ITSN1: variants seen among roughly 807,000 people sequenced by gnomAD.
ITSN1 encodes intersectin-1.
ITSN1 carries 58 observed loss-of-function variants against 239.8 expected under a neutral mutation model. That is an observed-to-expected ratio of 0.24 (90% confidence interval 0.20 to 0.30). The LOEUF (loss-of-function observed/expected upper bound fraction) is 0.30. Ranked by LOEUF, ITSN1 falls within the 10% of genes least tolerant of loss-of-function variation. The probability of loss-of-function intolerance (pLI) is 1.00; values close to 1 mark genes in which losing one functional copy is unlikely to be tolerated. For missense variants in ITSN1, 1,558 were observed against 2,103.3 expected, an observed-to-expected ratio of 0.74 and a Z score of 5.07; for synonymous variants, 780 against 770.8, an observed-to-expected ratio of 1.01 and a Z score of -0.20.
chr21:33,662,031 G>C (rs1431981248), intron 1 of ITSN1, among the ~76,000 whole-genome samples: 1 of 152,108 alleles, frequency 6.6e-6, no homozygotes, highest in Admixed American at 6.6e-5. Flanking sequence ...CTGCCTTGTA[G>C]GATAAAATCT....
chr21:33,656,634 C>T (rs992845934), intron 1 of ITSN1, among the ~76,000 whole-genome samples: 2 of 152,186 alleles, frequency 1.3e-5, no homozygotes, highest in African/African-American at 4.8e-5. Context: ...CTCCAGGGTT[C>T]AAACGGTCCC....
intron 36 of ITSN1, among the ~76,000 whole-genome samples, chr21:33,883,926 G>T (rs1208971139): frequency 1.6e-5 from 2 of 127,842 alleles, no homozygotes; most frequent in Non-Finnish European, 3.2e-5. Flanking sequence ...TTAAGGCAGA[G>T]TCTCACTCTG....
chr21:33,703,851 T>G (rs2092130914), intron 1 of ITSN1, among the ~76,000 whole-genome samples: 1 of 152,210 alleles, frequency 6.6e-6, no homozygotes, highest in African/African-American at 2.4e-5. Context: ...ATTTGCCTAC[T>G]TGGTGCTGCC....
At position 33,755,275 on chromosome 21, in the gene ITSN1, C is replaced by T. The variant is rs937787953; in HGVS notation, c.624-22C>T. The T allele has an allele frequency of 2.7e-6, 4 of 1,462,058 alleles. No homozygotes were observed. In the African/African-American group the frequency reaches 4.2e-5, roughly 15 times the overall value. 90.6% of individuals were successfully genotyped at this position (1,462,058 alleles called of 1,614,324 possible). The stretch of plus-strand genomic sequence containing the variant: ...GTTCCTTATGGATAATCCTCTTTCT[C>T]TCCTTTTTCTTTTCCCCACAGTGTC... On this transcript the variant is annotated intron_variant, in intron 7 of 39. Coordinates refer to ENST00000381318, the MANE Select transcript of ITSN1 (RefSeq NM_003024.3).
chr21:33,740,989 T>A (rs747973632), intron 5 of ITSN1, among the ~76,000 whole-genome samples: 5 of 152,200 alleles, frequency 3.3e-5, no homozygotes, highest in Non-Finnish European at 7.3e-5. Flanking sequence ...AAGAGAAGAT[T>A]TCTAACAAAT....
At chr21:33,880,613 C>A (rs1984729251) in intron 34 of ITSN1, among the ~76,000 whole-genome samples, 1 of 152,198 alleles carries the variant, frequency 6.6e-6, no homozygotes, top group Non-Finnish European at 1.5e-5. Flanking sequence ...CACAGAAGTG[C>A]CACTGTTTCT....
intron 1 of ITSN1, among the ~76,000 whole-genome samples, chr21:33,680,024 T>G (rs1259797326): frequency 6.6e-6 from 1 of 152,166 alleles, no homozygotes; most frequent in East Asian, 1.9e-4. Flanking sequence ...ATCTGTCATT[T>G]TATTTTAGGT....
chr21:33,694,473 C>T (rs1297024525), intron 1 of ITSN1, among the ~76,000 whole-genome samples: 2 of 152,106 alleles, frequency 1.3e-5, no homozygotes, highest in East Asian at 3.8e-4. Flanking sequence ...GGCAGATTTG[C>T]AGGAGTTTTG....
intron 1 of ITSN1, among the ~76,000 whole-genome samples, chr21:33,670,630 C>T (rs2090210138): frequency 6.6e-6 from 1 of 152,162 alleles, no homozygotes; most frequent in Admixed American, 6.5e-5. Context: ...AGCCAGGTCT[C>T]AACCCTGTCA....
intron 34 of ITSN1, among the ~76,000 whole-genome samples, chr21:33,876,215 CT>C (rs1243788669): frequency 3.7e-4 from 12 of 32,392 alleles, no homozygotes; most frequent in Admixed American, 1.5e-3. Flanking sequence ...TTCCTCTCTT[CT>C]TTTTCTCTTT....
At chr21:33,687,395 T>G (rs190048292) in intron 1 of ITSN1, among the ~76,000 whole-genome samples, 1 of 56,478 alleles carries the variant, frequency 1.8e-5, no homozygotes, top group South Asian at 8.0e-4. Context: ...CAGAACTCCA[T>G]CTTAAAAAAA....
chr21:33,812,603 A>G (rs1409864605), intron 21 of ITSN1, among the ~76,000 whole-genome samples: 4 of 151,916 alleles, frequency 2.6e-5, no homozygotes, highest in South Asian at 2.1e-4. Flanking sequence ...GGCTCAAGCA[A>G]TACTCCTGCC....
intron 1 of ITSN1, among the ~76,000 whole-genome samples, chr21:33,666,630 T>G (rs1055082267): frequency 6.6e-6 from 1 of 152,220 alleles, no homozygotes; most frequent in South Asian, 2.1e-4. Flanking sequence ...CTTGTAAATC[T>G]AGAAAAGATG....
intron 38 of ITSN1, among the ~76,000 whole-genome samples, chr21:33,885,846 G>T (rs1985704201): frequency 1.3e-5 from 2 of 152,298 alleles, no homozygotes; most frequent in Admixed American, 6.5e-5. Flanking sequence ...TAAGGATGAA[G>T]CTGACTTCTG....
chr21:33,765,028 A>T (rs946672665), intron 9 of ITSN1, among the ~76,000 whole-genome samples: 1 of 152,256 alleles, frequency 6.6e-6, no homozygotes, highest in Non-Finnish European at 1.5e-5. Context: ...TCTGGCCTGC[A>T]TCTGTTTTTG....
chr21:33,825,529 G>T (rs1287936174), intron 25 of ITSN1, among the ~76,000 whole-genome samples: 3 of 152,168 alleles, frequency 2.0e-5, no homozygotes, highest in Non-Finnish European at 4.4e-5. Flanking sequence ...GACTTTATAG[G>T]TGCAGGGAGG....
intron 5 of ITSN1, among the ~76,000 whole-genome samples, chr21:33,743,309 T>G (rs1276381551): frequency 6.6e-6 from 1 of 152,126 alleles, no homozygotes; most frequent in Non-Finnish European, 1.5e-5. Context: ...GTACTAAAAT[T>G]ACAAAAATTA....
intron 6 of ITSN1, 118 bp downstream of exon 6, chr21:33,750,440 A>G (rs2067474786): frequency 1.1e-6 from 1 of 924,708 alleles, no homozygotes. Flanking sequence ...AGTCCAGAGG[A>G]AAATATCTTT....
At position 33,882,487 on chromosome 21, in the gene ITSN1, G is replaced by C. The variant is rs777065884; in HGVS notation, c.4554+32G>C. On this transcript the variant is annotated intron_variant, in intron 35 of 39. Coordinates refer to ENST00000381318, the MANE Select transcript of ITSN1 (RefSeq NM_003024.3). The surrounding 1 kb of genome is among the most constrained non-coding windows in gnomAD (Gnocchi z 4.5). ...TGGATTCTAGATTTTGCATTATCAG[G>C]GTTGACGTGTTTGGGGAGGAAGAAG... 1.3e-6 allele frequency: 2 copies of C among 1,586,734 alleles called. No homozygotes were observed. Among genetic ancestry groups the C allele is most frequent in the Non-Finnish European group, 1.7e-6 (2 of 1,157,722 alleles).
Sources: allele counts gnomAD v4.1 joint callset (sites outside exome capture counted in the v4.1 genomes callset), GRCh38; gene constraint gnomAD v4.1.1; non-coding constraint Gnocchi (gnomAD v3.1); transcripts MANE v1.5; gene names NCBI Gene and HGNC (gene_info 2026-07-23, HGNC 2026-07-21).